Variants in EXOSC4 observed in about 807,000 individuals in gnomAD.
EXOSC4 encodes exosome complex component RRP41.
A neutral mutation model predicts 20.0 loss-of-function variants in EXOSC4; 14 were observed. The observed-to-expected ratio is 0.70, with a 90% CI of 0.46 to 1.09. The LOEUF is 1.09. Among genes scored for constraint, EXOSC4 ranks in the 50% least tolerant of loss-of-function variants. The pLI, the probability that EXOSC4 is intolerant of heterozygous loss-of-function variation, is 0.00. For synonymous variants in EXOSC4, 148 were observed against 146.4 expected (o/e 1.01, Z -0.08); for missense variants, 337 against 334.0 (o/e 1.01, Z -0.07).
At chr8:144,064,817 C>T in the EXOSC4 span, among the ~76,000 whole-genome samples, 5 of 150,648 alleles carry the variant, frequency 3.3e-5, no homozygotes, top group African/African-American at 4.9e-5. Flanking sequence ...ACATAAAGGA[C>T]TTTCTTCTTC....
chr8:144,072,340 C>T, the EXOSC4 span, among the ~76,000 whole-genome samples: 31 of 152,122 alleles, frequency 2.0e-4, 1 homozygote, highest in East Asian at 3.9e-3. Flanking sequence ...ACCACCACAC[C>T]GGGCTAATTT....
At chr8:144,066,982 G>A in the EXOSC4 span, among the ~76,000 whole-genome samples, 1 of 152,130 alleles carries the variant, frequency 6.6e-6, no homozygotes, top group Admixed American at 6.5e-5. Context: ...AGCTACTCGG[G>A]AGGCTGAGGC....
At chr8:144,072,080 G>A in the EXOSC4 span, among the ~76,000 whole-genome samples, 1 of 152,218 alleles carries the variant, frequency 6.6e-6, no homozygotes, top group Non-Finnish European at 1.5e-5. Context: ...TGGGTATTTA[G>A]GGTATTTACG....
At chr8:144,064,761 G>A in the EXOSC4 span, among the ~76,000 whole-genome samples, 2 of 152,106 alleles carry the variant, frequency 1.3e-5, no homozygotes, top group Non-Finnish European at 1.5e-5. Flanking sequence ...AGGGACAGGA[G>A]AGCCACCCTC....
rs982830636 is a variant in EXOSC4, at chr8:144,080,631, C to T, written c.*30C>T. On this transcript the variant is annotated 3_prime_UTR_variant, in exon 3 of 3. Coordinates refer to ENST00000316052, the MANE Select transcript of EXOSC4 (RefSeq NM_019037.3). The surrounding 1 kb of genome is among the most constrained non-coding windows in gnomAD (Gnocchi z 4.9). ...CCAGCCACCCATGTCCAGAATAAAACCCTCCTCTGCCCACACACCCCTCAC... is the reference window on the plus strand; with the variant it reads ...CCAGCCACCCATGTCCAGAATAAAATCCTCCTCTGCCCACACACCCCTCAC... The T allele has an allele frequency of 2.5e-6, 4 of 1,582,570 alleles. No homozygotes were observed. Among genetic ancestry groups the T allele is most frequent in the Admixed American group, 1.7e-5 (1 of 59,434 alleles).
upstream of EXOSC4, among the ~76,000 whole-genome samples, chr8:144,074,135 C>T (rs1554762462): frequency 1.3e-5 from 2 of 152,206 alleles, no homozygotes; most frequent in African/African-American, 4.8e-5. Flanking sequence ...AGCCCCTTCC[C>T]GGCTTGGGCC....
At chr8:144,076,368 T>C (rs1253417663), upstream of EXOSC4, among the ~76,000 whole-genome samples, 1 of 152,208 alleles carries the variant, frequency 6.6e-6, no homozygotes, top group Non-Finnish European at 1.5e-5. Flanking sequence ...AAGTCTATAG[T>C]GAGTCCTTCT....
At chr8:144,072,836 C>A in the EXOSC4 span, among the ~76,000 whole-genome samples, 1 of 152,216 alleles carries the variant, frequency 6.6e-6, no homozygotes, top group Non-Finnish European at 1.5e-5. Flanking sequence ...CTACTGTGAA[C>A]GGTGCTGCAA....
chr8:144,067,253 G>A, the EXOSC4 span, among the ~76,000 whole-genome samples: 2 of 152,196 alleles, frequency 1.3e-5, no homozygotes, highest in African/African-American at 4.8e-5. Flanking sequence ...GAATAAGATG[G>A]ACTTTACTCC....
chr8:144,064,265 T>C, the EXOSC4 span, among the ~76,000 whole-genome samples: 22,618 of 152,232 alleles, frequency 0.15, 2,726 homozygotes, highest in African/African-American at 0.33. Context: ...GGATGCAGGC[T>C]TCCGCACCCA....
the EXOSC4 span, among the ~76,000 whole-genome samples, chr8:144,073,103 G>A: frequency 6.6e-6 from 1 of 152,190 alleles, no homozygotes; most frequent in Non-Finnish European, 1.5e-5. Flanking sequence ...GACCTCAAGT[G>A]TGGCCAGCGT....
At chr8:144,070,324 G>C in the EXOSC4 span, among the ~76,000 whole-genome samples, 1 of 152,086 alleles carries the variant, frequency 6.6e-6, no homozygotes, top group Non-Finnish European at 1.5e-5. Context: ...AGGAGTTCAA[G>C]ACCAGCCTGG....
Position 144,079,719 on chromosome 8 carries a change from G to A in EXOSC4, c.172-224G>A, listed in dbSNP as rs552740604. The A allele has an allele frequency of 6.3e-4, 436 of 689,756 alleles. 10 individuals carry two copies. The South Asian group carries it at 6.4e-3, about 10-fold the overall frequency. 42.7% of individuals were successfully genotyped at this position (689,756 alleles called of 1,614,324 possible). A position where few individuals can be genotyped will look rare whatever the true frequency, so the allele number is the denominator to read the frequency against. ...GCAGCGTTGATGTTTGTAAACTTGG[G>A]TTGGCAGGGAATGGGGCAAGGATGG... On this transcript the variant is annotated intron_variant, in intron 1 of 2. Coordinates refer to ENST00000316052, the MANE Select transcript of EXOSC4 (RefSeq NM_019037.3).
At position 144,080,131 on chromosome 8, in the gene EXOSC4, G is replaced by C. The variant is rs1554763268; in HGVS notation, c.360G>C (p.Gln120His). The change falls in exon 2 of 3, where the codon CAG becomes CAC. Residue 120 changes from glutamine (Q) to histidine (H), a missense_variant. Gln to His is a conservative substitution (Grantham distance 24). Coordinates refer to ENST00000316052, the MANE Select transcript of EXOSC4 (RefSeq NM_019037.3). The surrounding 1 kb of genome is among the most constrained non-coding windows in gnomAD (Gnocchi z 4.9). ...TCACACAGCTGCACCCACGCTCCCA[G>C]ATTGATATCTATGTGCAGGTGAGCC... Reference protein sequence around the residue: ...AILTQLHPRSQIDIYVQVLQA... With the variant: ...AILTQLHPRSHIDIYVQVLQA... 6.2e-7 allele frequency: 1 copy of C among 1,612,874 alleles called. No homozygotes were observed. Among genetic ancestry groups the C allele is most frequent in the Admixed American group, 1.7e-5 (1 of 59,992 alleles).
upstream of EXOSC4, among the ~76,000 whole-genome samples, chr8:144,073,842 C>G (rs2129908788): frequency 6.6e-6 from 1 of 151,538 alleles, no homozygotes; most frequent in African/African-American, 2.4e-5. Context: ...CAGAGCGAGA[C>G]TCTGTCTCAA....
At position 144,080,441 on chromosome 8, in the gene EXOSC4, C is replaced by A. The variant is rs1835889091; in HGVS notation, c.578C>A (p.Ser193Ter). ...PQLALALLPA[S>*]GQIALLEMDA... is the part of the protein sequence containing the mutation. ...CTGGCCCTGGCCCTGCTGCCAGCCT[C>A]AGGACAGATTGCGCTGCTTGAGATG... Residue 193 changes from serine to a stop codon, truncating the protein, a stop_gained, in exon 3 of 3, where the codon TCA becomes TAA. Coordinates refer to ENST00000316052, the MANE Select transcript of EXOSC4 (RefSeq NM_019037.3). LOFTEE classifies it high-confidence loss of function. This position sits in a 1 kb window ranked among gnomAD's most constrained non-coding sequence, Gnocchi z 4.9. 6.2e-7 allele frequency: 1 copy of A among 1,610,012 alleles called. No homozygotes were observed. The highest frequency in any genetic ancestry group is 1.3e-5 in the African/African-American group (1 of 74,930).
chr8:144,071,072 A>G, the EXOSC4 span, among the ~76,000 whole-genome samples: 1 of 151,888 alleles, frequency 6.6e-6, no homozygotes, highest in Non-Finnish European at 1.5e-5. Flanking sequence ...ACTAAACAAC[A>G]TGAAAAAACA....
At chr8:144,066,246 C>T in the EXOSC4 span, among the ~76,000 whole-genome samples, 13 of 151,434 alleles carry the variant, frequency 8.6e-5, no homozygotes, top group African/African-American at 2.9e-4. Flanking sequence ...GTCTCTATCT[C>T]CTGACCTCGT....
rs934258599 is a variant in EXOSC4 at position 144,078,685 on chromosome 8, G to A, written c.-44G>A. Reference sequence around the variant, plus strand: ...CCGCCGGGAGCTGTAGTTCTCCCGCGGCTCAGAGAAGTAGGCAGAGAGCGG... The same window carrying A: ...CCGCCGGGAGCTGTAGTTCTCCCGCAGCTCAGAGAAGTAGGCAGAGAGCGG... On this transcript the variant is annotated 5_prime_UTR_variant, in exon 1 of 3. Coordinates refer to ENST00000316052, the MANE Select transcript of EXOSC4 (RefSeq NM_019037.3). This position sits in a 1 kb window ranked among gnomAD's most constrained non-coding sequence, Gnocchi z 4.7. 3.0e-6 allele frequency: 4 copies of A among 1,349,564 alleles called. No homozygotes were observed. The highest frequency in any genetic ancestry group is 3.8e-6 in the Non-Finnish European group (4 of 1,043,966). The allele number at this position is 1,349,564 out of a possible 1,614,324, so 83.6% of individuals were successfully genotyped here.
Sources: allele counts gnomAD v4.1 joint callset (sites outside exome capture counted in the v4.1 genomes callset), GRCh38; gene constraint gnomAD v4.1.1; non-coding constraint Gnocchi (gnomAD v3.1); transcripts MANE v1.5; gene names NCBI Gene and HGNC (gene_info 2026-07-23, HGNC 2026-07-21).